The following RNF170 variants were observed in gnomAD, a reference collection of about 807,000 sequenced individuals.
RNF170 encodes ring finger protein 170, also known as E3 ubiquitin-protein ligase RNF170.
RNF170 carries 12 observed loss-of-function variants against 32.7 expected under a neutral mutation model. That is an observed-to-expected ratio of 0.37 (90% CI 0.24 to 0.60). The LOEUF is 0.60. RNF170 is among the 20% of genes least tolerant of loss of function. The pLI, the probability that RNF170 is intolerant of heterozygous loss-of-function variation, is 0.72. For synonymous variants in RNF170, 91 were observed against 103.6 expected (o/e 0.88, Z 0.74); for missense variants, 212 against 311.2 (o/e 0.68, Z 2.40).
chr8:42,859,565 T>G (rs977943559), intron 6 of RNF170, among the ~76,000 whole-genome samples: 12 of 152,166 alleles, frequency 7.9e-5, no homozygotes, highest in Non-Finnish European at 1.6e-4. Flanking sequence ...AGGTTGAGGC[T>G]GCAGTGAGCC....
At chr8:42,865,721 CG>C (rs1407383073) in intron 4 of RNF170, among the ~76,000 whole-genome samples, 3 of 152,160 alleles carry the variant, frequency 2.0e-5, no homozygotes, top group Non-Finnish European at 4.4e-5. Context: ...CAGTGGCTCA[CG>C]TCTGTTATCC....
chr8:42,884,492 A>G (rs1021841874), intron 2 of RNF170, among the ~76,000 whole-genome samples: 1 of 151,986 alleles, frequency 6.6e-6, no homozygotes, highest in Non-Finnish European at 1.5e-5. Flanking sequence ...TCCCTTCCCT[A>G]AGCTAGACAT....
intron 2 of RNF170, among the ~76,000 whole-genome samples, chr8:42,884,052 A>C (rs1290479396): frequency 6.6e-6 from 1 of 152,086 alleles, no homozygotes; most frequent in Non-Finnish European, 1.5e-5. Flanking sequence ...AGTTCTGCCC[A>C]CTGCGCCTGG....
At chr8:42,888,589 C>T (rs1324879317) in intron 1 of RNF170, among the ~76,000 whole-genome samples, 2 of 151,552 alleles carry the variant, frequency 1.3e-5, no homozygotes, top group Non-Finnish European at 2.9e-5. Context: ...ATGGTGAAAC[C>T]CCGTCTCTAC....
intron 6 of RNF170, among the ~76,000 whole-genome samples, chr8:42,858,099 A>C (rs1241476990): frequency 6.6e-6 from 1 of 152,194 alleles, no homozygotes; most frequent in East Asian, 1.9e-4. Context: ...GTAGCTCTTA[A>C]ATTTGAAACA....
At chr8:42,851,964 T>G (rs1158564990), downstream of RNF170, among the ~76,000 whole-genome samples, 1 of 152,204 alleles carries the variant, frequency 6.6e-6, no homozygotes, top group African/African-American at 2.4e-5. Flanking sequence ...GGATGGTGGT[T>G]CCTTTTACTG....
At chr8:42,875,393 T>C (rs1804846907) in intron 2 of RNF170, among the ~76,000 whole-genome samples, 2 of 152,224 alleles carry the variant, frequency 1.3e-5, no homozygotes, top group South Asian at 4.1e-4. Flanking sequence ...AGGACTCTCA[T>C]ATCCGAATGT....
At position 42,870,087 on chromosome 8, in the gene RNF170, T is replaced by G. The variant is rs1447861850; in HGVS notation, c.239A>C (p.Gln80Pro). The G allele has an allele frequency of 6.2e-7, 1 of 1,613,918 alleles. No homozygotes were observed. Among genetic ancestry groups the G allele is most frequent in the Non-Finnish European group, 8.5e-7 (1 of 1,179,974 alleles). Reference sequence around the variant, plus strand: ...GGGACAGTACATGTCAGTGTAGAACTGCTGTCGAGTGGCAGCAGGTGCATC... The same window carrying G: ...GGGACAGTACATGTCAGTGTAGAACGGCTGTCGAGTGGCAGCAGGTGCATC... ...EQDAPAATRQQFYTDMYCPIC... is the reference protein window; with the variant it reads ...EQDAPAATRQPFYTDMYCPIC... Residue 80 changes from glutamine to proline, a missense_variant, in exon 4 of 7, where the codon CAG becomes CCG. Physicochemically the swap from Gln to Pro is moderately conservative, Grantham distance 76. Around this residue, in one of 2 missense-constraint regions of RNF170, gnomAD observed 115 missense variants for 132.3 expected, o/e 0.87. Transcript: ENST00000527424.
chr8:42,894,614 G>A (rs1463696694), intron 1 of RNF170, among the ~76,000 whole-genome samples: 2 of 152,112 alleles, frequency 1.3e-5, no homozygotes, highest in Non-Finnish European at 2.9e-5. Context: ...CGTCAGGATG[G>A]AGTGCAGTGG....
chr8:42,888,298 TCG>T (rs1371911041), intron 1 of RNF170, among the ~76,000 whole-genome samples: 1 of 151,980 alleles, frequency 6.6e-6, no homozygotes, highest in Non-Finnish European at 1.5e-5. Flanking sequence ...TCTCCTGACC[TCG>T]TGATCCACCT....
At chr8:42,888,157 C>T (rs1197982571) in intron 1 of RNF170, among the ~76,000 whole-genome samples, 1 of 152,032 alleles carries the variant, frequency 6.6e-6, no homozygotes, top group Non-Finnish European at 1.5e-5. Flanking sequence ...CGTCCGCCTC[C>T]CGGGTTCAAG....
At chr8:42,874,944 G>T (rs561084962) in intron 2 of RNF170, among the ~76,000 whole-genome samples, 1 of 152,036 alleles carries the variant, frequency 6.6e-6, no homozygotes, top group African/African-American at 2.4e-5. Context: ...GGCCGAGGCC[G>T]GTGGATCACC....
chr8:42,883,371 T>A (rs571950476), intron 2 of RNF170, among the ~76,000 whole-genome samples: 1 of 152,122 alleles, frequency 6.6e-6, no homozygotes, highest in African/African-American at 2.4e-5. Flanking sequence ...TACACAACAA[T>A]GTGAATGTAC....
At chr8:42,876,263 T>C (rs1308615816) in intron 2 of RNF170, among the ~76,000 whole-genome samples, 1 of 151,094 alleles carries the variant, frequency 6.6e-6, no homozygotes, top group Non-Finnish European at 1.5e-5. Context: ...TTTTAAAAAA[T>C]ATTCTACCAC....
rs180686708 is a variant in RNF170, at chr8:42,874,709, T to C, written c.138-703A>G. On this transcript the variant is annotated intron_variant, in intron 2 of 6. Transcript: ENST00000527424. ...GTAAGCTGAGATCATGCCATTGCAC[T>C]CCAGCCTGGGCCAACAACAGTGAGA... Among the ~76,000 whole-genome samples the C allele has an allele frequency of 4.8e-3, 731 of 151,628 alleles. 11 individuals carry two copies. Among genetic ancestry groups the C allele is most frequent in the African/African-American group, 0.017 (697 of 41,288 alleles).
At chr8:42,862,585 C>T (rs757019910) in intron 5 of RNF170, among the ~76,000 whole-genome samples, 58 of 152,154 alleles carry the variant, frequency 3.8e-4, no homozygotes, top group Admixed American at 1.9e-3. Context: ...GAGTGGTGGC[C>T]GATTTAGTTT....
chr8:42,885,183 C>A (rs985879673), intron 2 of RNF170, among the ~76,000 whole-genome samples: 2 of 152,034 alleles, frequency 1.3e-5, no homozygotes, highest in Non-Finnish European at 2.9e-5. Flanking sequence ...ATCATGTCCT[C>A]CAGGTGCATC....
chr8:42,892,089 G>A (rs965693785), intron 1 of RNF170, among the ~76,000 whole-genome samples: 3 of 152,166 alleles, frequency 2.0e-5, no homozygotes, highest in Non-Finnish European at 4.4e-5. Context: ...ACTGACCTAA[G>A]TGGCATGACT....
intron 1 of RNF170, 84 bp from the exon 2 acceptor site, chr8:42,887,955 G>T: frequency 4.0e-6 from 5 of 1,262,152 alleles, no homozygotes; most frequent in South Asian, 2.5e-5. Flanking sequence ...AAATATAACT[G>T]ACTTCTAATA....
Sources: allele counts gnomAD v4.1 joint callset (sites outside exome capture counted in the v4.1 genomes callset), GRCh38; gene constraint gnomAD v4.1.1; regional missense constraint gnomAD v4.1.1; transcripts MANE v1.5; gene names NCBI Gene and HGNC (gene_info 2026-07-23, HGNC 2026-07-21).